The following ZCCHC4 variants were observed in gnomAD, a reference collection of about 807,000 sequenced individuals.
The protein encoded by ZCCHC4 is rRNA N(6)-adenosine-methyltransferase ZCCHC4.
A neutral mutation model predicts 67.7 loss-of-function variants in ZCCHC4; 54 were observed. The ratio of observed to expected loss-of-function variants is 0.80; its 90% CI spans 0.64 to 1.00. The LOEUF is 1.00. ZCCHC4 is among the 50% of genes least tolerant of loss of function. The pLI is 0.00. For missense variants in ZCCHC4, 609 were observed against 617.0 expected, an observed-to-expected ratio of 0.99 and a Z score of 0.14; for synonymous variants, 198 against 213.5, an observed-to-expected ratio of 0.93 and a Z score of 0.63.
intron 8 of ZCCHC4, chr4:25,352,043 A>C (rs1248881736): frequency 1.0e-6 from 1 of 1,002,536 alleles, no homozygotes; most frequent in Non-Finnish European, 1.2e-6. Context: ...CCCCTGGTTC[A>C]TCATTATGAA....
At chr4:25,318,560 G>C (rs1010694348) in intron 3 of ZCCHC4, among the ~76,000 whole-genome samples, 6 of 150,954 alleles carry the variant, frequency 4.0e-5, no homozygotes, top group African/African-American at 1.5e-4. Context: ...TCACCATGTT[G>C]GCCAGGCTGG....
chr4:25,355,024 G>C (rs1720463060), intron 8 of ZCCHC4, among the ~76,000 whole-genome samples: 1 of 151,434 alleles, frequency 6.6e-6, no homozygotes, highest in Non-Finnish European at 1.5e-5. Context: ...CAGGTAAGAG[G>C]AAGGCAGAAA....
intron 3 of ZCCHC4, among the ~76,000 whole-genome samples, chr4:25,332,034 G>A (rs1049903456): frequency 6.6e-5 from 10 of 152,290 alleles, no homozygotes; most frequent in African/African-American, 2.4e-4. Context: ...TAGGCCACAT[G>A]TGATGGCTCA....
chr4:25,345,769 T>C, intron 6 of ZCCHC4, 149 bp downstream of exon 6: 1 of 616,020 alleles, frequency 1.6e-6, no homozygotes, highest in South Asian at 2.1e-5. Flanking sequence ...TTTCACTGTT[T>C]ATTGAGCACC....
chr4:25,359,497 G>A lies in ZCCHC4; in HGVS notation c.1012-2362G>A, dbSNP rs1287340103. On this transcript the variant is annotated intron_variant, in intron 8 of 12. Coordinates refer to ENST00000302874, the MANE Select transcript of ZCCHC4 (RefSeq NM_024936.3). The surrounding 1 kb of genome is among the most constrained non-coding windows in gnomAD (Gnocchi z 4.9). ...GGGTCTGTTGTCTTGGCCAGAGACC[G>A]CCACCTGGTCTGATACCAAGGAGGC... 2.0e-5 allele frequency among the ~76,000 whole-genome samples: 3 copies of A among 152,162 alleles called. No homozygotes were observed. The highest frequency in any genetic ancestry group is 4.1e-4 in the South Asian group (2 of 4,834).
At chr4:25,351,789 G>T in intron 8 of ZCCHC4, 100 bp downstream of exon 8, 2 of 1,140,738 alleles carry the variant, frequency 1.8e-6, no homozygotes, top group South Asian at 3.2e-5. Flanking sequence ...ACAATGAGCT[G>T]TATTAAACAC....
intron 1 of ZCCHC4, among the ~76,000 whole-genome samples, chr4:25,313,146 G>T (rs1044921213): frequency 6.6e-6 from 1 of 152,208 alleles, no homozygotes; most frequent in Non-Finnish European, 1.5e-5. Context: ...TTGGCTCCAG[G>T]ACTATTTCAT....
intron 11 of ZCCHC4, 151 bp downstream of exon 11, chr4:25,364,656 A>G (rs1400247698): frequency 2.7e-6 from 2 of 736,358 alleles, no homozygotes; most frequent in Non-Finnish European, 4.3e-6. Context: ...AGTTATCAGC[A>G]TGTATGTTCT....
chr4:25,368,924 CCTT>C lies in ZCCHC4; in HGVS notation c.1407-99_1407-97del, dbSNP rs1020994100. On this transcript the variant is annotated intron_variant, in intron 12 of 12. Transcript: ENST00000302874. ...TGCTTGCAATACAGTAGATTCTTTC[CCTT>C]CTTCTATTTTCTTATTTGGTTAGCT... The C allele has an allele frequency of 3.0e-6, 4 of 1,329,194 alleles. No individual in the cohort carries two copies. In the African/African-American group the frequency reaches 4.5e-5, roughly 15 times the overall value. The allele number at this position is 1,329,194 out of a possible 1,614,324, so 82.3% of individuals were successfully genotyped here.
At chr4:25,334,197 G>A (rs1344365911) in intron 5 of ZCCHC4, among the ~76,000 whole-genome samples, 3 of 152,106 alleles carry the variant, frequency 2.0e-5, no homozygotes, top group African/African-American at 7.2e-5. Flanking sequence ...TTGCTGGTGG[G>A]CTTCCTAGAT....
chr4:25,333,105 G>C (rs1719267352), intron 3 of ZCCHC4, 78 bp from the exon 4 acceptor site: 1 of 1,441,726 alleles, frequency 6.9e-7, no homozygotes, highest in African/African-American at 1.4e-5. Context: ...CTTTTTGGAT[G>C]CTAAAAATAG....
intron 5 of ZCCHC4, among the ~76,000 whole-genome samples, chr4:25,340,187 T>C (rs569684815): frequency 2.0e-5 from 3 of 152,244 alleles, no homozygotes; most frequent in Non-Finnish European, 2.9e-5. Context: ...TTATTTATTG[T>C]ATGAGGTAGG....
intron 2 of ZCCHC4, 144 bp from the exon 3 acceptor site, chr4:25,315,174 T>A (rs1029142402): frequency 4.7e-6 from 3 of 632,296 alleles, no homozygotes; most frequent in Non-Finnish European, 7.9e-6. Flanking sequence ...ATTTTCCCAG[T>A]TTTCGCTGTT....
intron 5 of ZCCHC4, among the ~76,000 whole-genome samples, chr4:25,340,289 A>T (rs1477566276): frequency 6.6e-6 from 1 of 152,192 alleles, no homozygotes; most frequent in Non-Finnish European, 1.5e-5. Context: ...TGGTACCACA[A>T]TGAAAACAAA....
intron 8 of ZCCHC4, 39 bp downstream of exon 8, chr4:25,351,728 T>A: frequency 1.3e-6 from 2 of 1,500,056 alleles, no homozygotes; most frequent in South Asian, 2.4e-5. Flanking sequence ...GGTTGGGGAA[T>A]GGAGATTCTA....
chr4:25,369,001 T>C, intron 12 of ZCCHC4, 28 bp from the exon 13 acceptor site: 1 of 1,593,542 alleles, frequency 6.3e-7, no homozygotes, highest in African/African-American at 1.4e-5. Context: ...GCTCATTCTG[T>C]GAAATAATTT....
chr4:25,318,100 A>G (rs1359051129), intron 3 of ZCCHC4, among the ~76,000 whole-genome samples: 2 of 152,210 alleles, frequency 1.3e-5, no homozygotes, highest in Non-Finnish European at 2.9e-5. Context: ...CTTTGAACTC[A>G]TCACCTTGGT....
chr4:25,349,297 C>G (rs1006514424), intron 6 of ZCCHC4, among the ~76,000 whole-genome samples, 195 bp from the exon 7 acceptor site: 8 of 152,098 alleles, frequency 5.3e-5, no homozygotes. Context: ...ACCTGCTTAT[C>G]AAAGAACCCA....
intron 10 of ZCCHC4, among the ~76,000 whole-genome samples, chr4:25,363,194 C>A (rs1352921822): frequency 6.6e-6 from 1 of 152,208 alleles, no homozygotes; most frequent in Non-Finnish European, 1.5e-5. Flanking sequence ...TGAAGGGTGT[C>A]TCTGGCTACT....
Sources: gnomAD v4.1 joint callset for allele counts (sites outside exome capture counted in the v4.1 genomes callset) on GRCh38, gnomAD v4.1.1 for gene constraint, Gnocchi (gnomAD v3.1) non-coding constraint, MANE v1.5 for transcripts, NCBI Gene and HGNC (gene_info 2026-07-23, HGNC 2026-07-21) for gene names.